KLF12: variants seen among roughly 807,000 people sequenced by gnomAD.
The protein encoded by KLF12 is KLF transcription factor 12.
KLF12 carries 9 observed loss-of-function variants against 37.8 expected under a neutral mutation model. The ratio of observed to expected loss-of-function variants is 0.24; its 90% CI spans 0.14 to 0.42. The LOEUF (loss-of-function observed/expected upper bound fraction) is 0.42, where lower values mean the gene tolerates loss of function less well. KLF12 is among the 10% of genes least tolerant of loss of function. The pLI, the probability that KLF12 is intolerant of heterozygous loss-of-function variation, is 1.00. For missense variants in KLF12, 411 were observed against 516.0 expected (o/e 0.80, Z 1.97); for synonymous variants, 208 against 202.1 (o/e 1.03, Z -0.25).
chr13:74,123,802 GAC>G (rs1259929700), intron 1 of KLF12, among the ~76,000 whole-genome samples: 1 of 152,212 alleles, frequency 6.6e-6, no homozygotes, highest in Non-Finnish European at 1.5e-5. Context: ...AAGTCAGAAA[GAC>G]AGTAGTAATT....
chr13:74,265,738 G>A, the KLF12 span, among the ~76,000 whole-genome samples: 1 of 152,094 alleles, frequency 6.6e-6, no homozygotes, highest in Non-Finnish European at 1.5e-5. Flanking sequence ...TCTTGGAAAA[G>A]ATACTCTAGA....
chr13:74,210,291 TGAA>T, the KLF12 span, among the ~76,000 whole-genome samples: 1 of 152,200 alleles, frequency 6.6e-6, no homozygotes, highest in Non-Finnish European at 1.5e-5. Context: ...TTATGGTGAA[TGAA>T]GAAGCTTCTC....
At chr13:73,759,759 C>T (rs150857624) in intron 6 of KLF12, among the ~76,000 whole-genome samples, 268 of 152,176 alleles carry the variant, frequency 1.8e-3, no homozygotes, top group Non-Finnish European at 2.3e-3. Context: ...GGTTGAACTG[C>T]GCTTGATGAT....
At chr13:73,908,961 G>A (rs1478609864) in intron 3 of KLF12, among the ~76,000 whole-genome samples, 4 of 152,172 alleles carry the variant, frequency 2.6e-5, no homozygotes, top group Non-Finnish European at 5.9e-5. Flanking sequence ...ATCAATGAAT[G>A]ACAACACGAG....
chr13:74,019,951 A>G (rs890634126), intron 1 of KLF12, among the ~76,000 whole-genome samples: 1 of 152,242 alleles, frequency 6.6e-6, no homozygotes, highest in Non-Finnish European at 1.5e-5. Flanking sequence ...ATATAAAATG[A>G]CATTATGTTG....
At chr13:74,172,545 G>T in the KLF12 span, among the ~76,000 whole-genome samples, 1 of 152,126 alleles carries the variant, frequency 6.6e-6, no homozygotes, top group Non-Finnish European at 1.5e-5. Flanking sequence ...TGCCTTCATG[G>T]TCATACAGTG....
At chr13:74,107,262 A>G (rs1876707992) in intron 1 of KLF12, among the ~76,000 whole-genome samples, 1 of 152,224 alleles carries the variant, frequency 6.6e-6, no homozygotes. Flanking sequence ...TTTTGGTGGG[A>G]CATCAACAGA....
At position 73,687,097 on chromosome 13, in the gene KLF12, T is replaced by A. The variant is rs1873537733; in HGVS notation, c.*8393A>T. 6.6e-6 allele frequency: 1 copy of A among 152,670 alleles called. No homozygotes were observed. The highest frequency in any genetic ancestry group is 2.4e-5 in the African/African-American group (1 of 41,474). The allele number at this position is 152,670 out of a possible 1,614,324, so 9.5% of individuals were successfully genotyped here. Reference sequence around the variant, plus strand: ...TTAAAGGTGGTCTGTTCTCATCGTTTCACAACACAAAGTTCTGAGTACATT... The same window carrying A: ...TTAAAGGTGGTCTGTTCTCATCGTTACACAACACAAAGTTCTGAGTACATT... On this transcript the variant is annotated 3_prime_UTR_variant, in exon 8 of 8. Transcript: ENST00000377669.
intron 3 of KLF12, among the ~76,000 whole-genome samples, chr13:73,900,493 A>T (rs1305413019): frequency 6.6e-6 from 1 of 152,180 alleles, no homozygotes; most frequent in South Asian, 2.1e-4. Flanking sequence ...AATTTTAAAC[A>T]TCAGTGAAAT....
intron 2 of KLF12, among the ~76,000 whole-genome samples, chr13:73,979,721 T>C (rs1593802609): frequency 6.6e-6 from 1 of 152,270 alleles, no homozygotes; most frequent in Admixed American, 6.5e-5. Flanking sequence ...AAACATATAA[T>C]AGACTACTGT....
the KLF12 span, among the ~76,000 whole-genome samples, chr13:74,153,645 C>A: frequency 6.6e-6 from 1 of 152,182 alleles, no homozygotes; most frequent in Non-Finnish European, 1.5e-5. Flanking sequence ...GAACCAGAGA[C>A]CTTACTCAGC....
intron 1 of KLF12, among the ~76,000 whole-genome samples, chr13:74,014,266 C>A (rs1293126649): frequency 1.3e-5 from 2 of 152,100 alleles, no homozygotes; most frequent in East Asian, 3.8e-4. Flanking sequence ...TAGAGGACAC[C>A]CCACTACCAG....
intron 1 of KLF12, among the ~76,000 whole-genome samples, chr13:74,035,682 G>A (rs536241485): frequency 6.6e-6 from 1 of 152,142 alleles, no homozygotes; most frequent in African/African-American, 2.4e-5. Flanking sequence ...CATTTCTGAG[G>A]GGTTGAAAGG....
chr13:73,936,207 C>T (rs1889917117), intron 3 of KLF12, among the ~76,000 whole-genome samples: 1 of 152,156 alleles, frequency 6.6e-6, no homozygotes, highest in South Asian at 2.1e-4. Flanking sequence ...CATCATTCAG[C>T]ACTAGATCGT....
chr13:73,717,794 C>T lies in KLF12; in HGVS notation c.870-2269G>A, dbSNP rs1273261796. ...GAGTCAAAACAGTGTGACTGGCCTGCCTCATGTAAGAACAGCTGTAGTTAC... is the reference window on the plus strand; with the variant it reads ...GAGTCAAAACAGTGTGACTGGCCTGTCTCATGTAAGAACAGCTGTAGTTAC... On this transcript the variant is annotated intron_variant, in intron 6 of 7. Coordinates refer to ENST00000377669, the MANE Select transcript of KLF12 (RefSeq NM_007249.5). Among the ~76,000 whole-genome samples, 4 of 152,090 alleles carry T rather than the reference C, an allele frequency of 2.6e-5. No individual in the cohort carries two copies. In the East Asian group the frequency reaches 7.7e-4, roughly 29 times the overall value.
At chr13:74,155,338 CTTTCT>C in the KLF12 span, among the ~76,000 whole-genome samples, 1 of 151,334 alleles carries the variant, frequency 6.6e-6, no homozygotes, top group Non-Finnish European at 1.5e-5. Context: ...TCCTATTTTT[CTTTCT>C]TTTCTTTCCT....
At chr13:73,937,509 C>T (rs1263088382) in intron 3 of KLF12, among the ~76,000 whole-genome samples, 1 of 152,196 alleles carries the variant, frequency 6.6e-6, no homozygotes, top group African/African-American at 2.4e-5. Flanking sequence ...GGAAAGGGCA[C>T]TTTACATTCT....
chr13:73,939,647 G>C (rs1890102257), intron 3 of KLF12, among the ~76,000 whole-genome samples: 1 of 151,972 alleles, frequency 6.6e-6, no homozygotes, highest in African/African-American at 2.4e-5. Context: ...TTTTTCTCCT[G>C]TTTTTCTTCA....
chr13:73,892,095 T>C (rs1887534463), intron 3 of KLF12, among the ~76,000 whole-genome samples: 1 of 152,110 alleles, frequency 6.6e-6, no homozygotes, highest in African/African-American at 2.4e-5. Flanking sequence ...CAGTTTGTTG[T>C]TTTAATGGTA....
Sources: gnomAD v4.1 joint callset for allele counts (sites outside exome capture counted in the v4.1 genomes callset) on GRCh38, gnomAD v4.1.1 for gene constraint, MANE v1.5 for transcripts, NCBI Gene and HGNC (gene_info 2026-07-23, HGNC 2026-07-21) for gene names.